The following PEBP4 variants were observed in gnomAD, a reference collection of about 807,000 sequenced individuals.
PEBP4 encodes phosphatidylethanolamine binding protein 4.
In PEBP4, 22 loss-of-function variants were observed where a neutral mutation model predicts 23.9. That is an observed-to-expected ratio of 0.92 (90% CI 0.66 to 1.31). The LOEUF is 1.31. Among genes scored for constraint, PEBP4 ranks in the 40% most tolerant of loss-of-function variants. PEBP4 has a pLI of 0.00. For synonymous variants in PEBP4, 112 were observed against 99.3 expected, an observed-to-expected ratio of 1.13 and a Z score of -0.76; for missense variants, 324 against 281.7, an observed-to-expected ratio of 1.15 and a Z score of -1.07.
In PEBP4 at chr8:22,927,810, G is replaced by T; in HGVS notation, c.-7+13C>A. ...GCCCCCGACCCCAGGGGCCCACTTG[G>T]CAGGATAGAGACCTCTGGTTAAGCA... On this transcript the variant is annotated intron_variant, in intron 1 of 6. Coordinates refer to ENST00000256404, the MANE Select transcript of PEBP4 (RefSeq NM_144962.3). 2 of 1,523,068 alleles carry T rather than the reference G, an allele frequency of 1.3e-6. No individual in the cohort carries two copies. Among genetic ancestry groups the T allele is most frequent in the Middle Eastern group, 1.8e-4 (1 of 5,674 alleles). The allele number at this position is 1,523,068 out of a possible 1,614,324, so 94.3% of individuals were successfully genotyped here. A position where few individuals can be genotyped will look rare whatever the true frequency, so the allele number is the denominator to read the frequency against.
At chr8:22,866,693 T>G (rs186957688) in intron 3 of PEBP4, among the ~76,000 whole-genome samples, 4 of 151,798 alleles carry the variant, frequency 2.6e-5, no homozygotes, top group Non-Finnish European at 5.9e-5. Context: ...CCAATTAAAA[T>G]ACATATAAAC....
chr8:22,845,936 C>A (rs760104380), intron 3 of PEBP4, among the ~76,000 whole-genome samples: 1 of 152,222 alleles, frequency 6.6e-6, no homozygotes, highest in Non-Finnish European at 1.5e-5. Flanking sequence ...GGATGGGCAA[C>A]CTTCTGCTCC....
In PEBP4 at chr8:22,728,446, C is replaced by G. The variant is rs996697649; in HGVS notation, c.358-1226G>C. Among the ~76,000 whole-genome samples, 9 of 152,146 alleles carry G rather than the reference C, an allele frequency of 5.9e-5. No individual in the cohort carries two copies. In the South Asian group the frequency reaches 6.2e-4, roughly 11 times the overall value. ...ACTGTGGAAGGATAGACCCTTCCCC[C>G]ACGAGCCCCTTGTACTTTGTCTTCT... On this transcript the variant is annotated intron_variant, in intron 4 of 6. Transcript: ENST00000256404.
At chr8:22,840,391 A>G (rs1331687236) in intron 3 of PEBP4, among the ~76,000 whole-genome samples, 1 of 151,148 alleles carries the variant, frequency 6.6e-6, no homozygotes, top group East Asian at 1.9e-4. Context: ...TCTTAAAAAA[A>G]TTTTTTCTTC....
chr8:22,887,420 A>G (rs1585325637), intron 3 of PEBP4, among the ~76,000 whole-genome samples: 1 of 151,020 alleles, frequency 6.6e-6, no homozygotes, highest in Non-Finnish European at 1.5e-5. Context: ...AAGTGCTGGG[A>G]TTACAGGCGT....
At chr8:22,786,194 A>G (rs12155789) in intron 4 of PEBP4, among the ~76,000 whole-genome samples, 18,656 of 152,124 alleles carry the variant, frequency 0.12, 1,255 homozygotes, top group Non-Finnish European at 0.17. Flanking sequence ...AGGAAAGAAC[A>G]CTCTAATACA....
chr8:22,854,996 G>GCA (rs1456396015), intron 3 of PEBP4, among the ~76,000 whole-genome samples: 3 of 75,768 alleles, frequency 4.0e-5, no homozygotes, highest in African/African-American at 1.6e-4. Flanking sequence ...GTGTGAGTAT[G>GCA]CACGCACACA....
At chr8:22,796,214 A>C (rs774374355) in intron 4 of PEBP4, among the ~76,000 whole-genome samples, 1 of 152,052 alleles carries the variant, frequency 6.6e-6, no homozygotes, top group Non-Finnish European at 1.5e-5. Flanking sequence ...CAGACTCTTG[A>C]ACCTATAGAT....
intron 4 of PEBP4, among the ~76,000 whole-genome samples, chr8:22,794,471 G>A (rs1806202080): frequency 6.6e-6 from 1 of 152,160 alleles, no homozygotes; most frequent in Admixed American, 6.5e-5. Flanking sequence ...TTTTAGTAGA[G>A]ACAAGGCTTT....
rs1475471770 is a variant in PEBP4 at position 22,865,790 on chromosome 8, G to A, written c.259-48055C>T. On this transcript the variant is annotated intron_variant, in intron 3 of 6. Coordinates refer to ENST00000256404, the MANE Select transcript of PEBP4 (RefSeq NM_144962.3). The surrounding 1 kb of genome is among the most constrained non-coding windows in gnomAD (Gnocchi z 6.9). ...GGGAAGGAGATCGGCGGCCACTCCC[G>A]GGGGCGCGAGCGGCGGCGCCTAGAG... Among the ~76,000 whole-genome samples, 2 of 152,084 alleles carry A rather than the reference G, an allele frequency of 1.3e-5. No individual in the cohort carries two copies. The highest frequency in any genetic ancestry group is 2.9e-5 in the Non-Finnish European group (2 of 67,986).
chr8:22,805,014 C>T (rs1288504809), intron 4 of PEBP4, among the ~76,000 whole-genome samples: 2 of 152,166 alleles, frequency 1.3e-5, no homozygotes, highest in Non-Finnish European at 2.9e-5. Flanking sequence ...CTCTCCTTCT[C>T]ATCTCCACGG....
intron 3 of PEBP4, among the ~76,000 whole-genome samples, chr8:22,820,800 GA>G (rs2128762434): frequency 6.6e-6 from 1 of 152,112 alleles, no homozygotes; most frequent in Non-Finnish European, 1.5e-5. Flanking sequence ...TGGGTATTGG[GA>G]CCAGAGAACA....
At position 22,827,746 on chromosome 8, in the gene PEBP4, G is replaced by C. The variant is rs564696902; in HGVS notation, c.259-10011C>G. 2.6e-5 allele frequency among the ~76,000 whole-genome samples: 4 copies of C among 152,274 alleles called. No individual in the cohort carries two copies. In the South Asian group the frequency reaches 8.3e-4, roughly 32 times the overall value. On this transcript the variant is annotated intron_variant, in intron 3 of 6. Coordinates refer to ENST00000256404, the MANE Select transcript of PEBP4 (RefSeq NM_144962.3). Reference sequence around the variant, plus strand: ...TTGTTTTCAATTCTCTTGCTTAGACGTCTAGAGTGGAACTGCTGGGTCATA... The same window carrying C: ...TTGTTTTCAATTCTCTTGCTTAGACCTCTAGAGTGGAACTGCTGGGTCATA...
intron 4 of PEBP4, among the ~76,000 whole-genome samples, chr8:22,776,144 C>T (rs372656733): frequency 1.3e-5 from 2 of 152,182 alleles, no homozygotes; most frequent in Non-Finnish European, 2.9e-5. Flanking sequence ...TGAGGGGCAG[C>T]GGTTTCTTTG....
At chr8:22,814,293 G>T (rs1806693769) in intron 4 of PEBP4, among the ~76,000 whole-genome samples, 1 of 152,140 alleles carries the variant, frequency 6.6e-6, no homozygotes, top group African/African-American at 2.4e-5. Flanking sequence ...TAACCACTGT[G>T]CTATACTGAA....
chr8:22,757,799 C>T (rs1291610597), intron 4 of PEBP4: 1 of 152,258 alleles, frequency 6.6e-6, no homozygotes, highest in South Asian at 2.1e-4. Flanking sequence ...TAAATTCAAT[C>T]CGTATGAGAA....
chr8:22,750,945 G>A (rs180913014), intron 4 of PEBP4, among the ~76,000 whole-genome samples: 4 of 152,298 alleles, frequency 2.6e-5, no homozygotes, highest in Non-Finnish European at 4.4e-5. Context: ...AGAAAAAAAT[G>A]CCTGGGTAAT....
At chr8:22,937,919 G>A (rs938160326) in intron 1 of PEBP4, among the ~76,000 whole-genome samples, 2 of 152,072 alleles carry the variant, frequency 1.3e-5, no homozygotes, top group Admixed American at 6.6e-5. Flanking sequence ...CTTTACACCA[G>A]ATATAAAAAT....
intron 4 of PEBP4, among the ~76,000 whole-genome samples, chr8:22,741,908 C>T (rs7845221): frequency 0.2 from 30,510 of 152,096 alleles, 3,359 homozygotes; most frequent in Non-Finnish European, 0.25. Flanking sequence ...CGCAGGGACA[C>T]GAGGAGATGG....
Sources: allele counts gnomAD v4.1 joint callset (sites outside exome capture counted in the v4.1 genomes callset), GRCh38; gene constraint gnomAD v4.1.1; non-coding constraint Gnocchi (gnomAD v3.1); transcripts MANE v1.5; gene names NCBI Gene and HGNC (gene_info 2026-07-23, HGNC 2026-07-21).